RAD52: variants seen among roughly 807,000 people sequenced by gnomAD.
RAD52 encodes the protein RAD52 DNA repair protein, also known as DNA repair protein RAD52 homolog.
In RAD52, 47 loss-of-function variants were observed where a neutral mutation model predicts 55.5. That is an observed-to-expected ratio of 0.85 (90% CI 0.67 to 1.08). RAD52 has a LOEUF of 1.08. RAD52 is among the 50% of genes least tolerant of loss of function. The pLI is 0.00. For missense variants in RAD52, 468 were observed against 522.8 expected, an observed-to-expected ratio of 0.90 and a Z score of 1.02; for synonymous variants, 184 against 198.9, an observed-to-expected ratio of 0.92 and a Z score of 0.63.
intron 1 of RAD52, among the ~76,000 whole-genome samples, chr12:989,232 C>G (rs1217502130): frequency 1.3e-5 from 2 of 152,214 alleles, no homozygotes; most frequent in Non-Finnish European, 2.9e-5. Flanking sequence ...AAATCTCCGT[C>G]TCCCTAAAGC....
intron 7 of RAD52, among the ~76,000 whole-genome samples, chr12:922,202 A>AAC (rs1555170813): frequency 1.4e-5 from 2 of 147,700 alleles, no homozygotes; most frequent in African/African-American, 2.4e-5. Context: ...AAAAAAAAAA[A>AAC]AAAAAAAAAA....
chr12:988,307 T>C (rs1158206143), intron 1 of RAD52, among the ~76,000 whole-genome samples: 16 of 152,236 alleles, frequency 1.1e-4, no homozygotes, highest in Admixed American at 1.0e-3. Context: ...TGTTACTTCA[T>C]CTGAGTATCC....
At chr12:975,795 C>T (rs772576802) in intron 1 of RAD52, 1 of 152,230 alleles carries the variant, frequency 6.6e-6, no homozygotes, top group Non-Finnish European at 1.5e-5. Context: ...CTGCTCTTGT[C>T]AAGGTCCCCA....
chr12:987,638 G>A (rs1438400252), intron 1 of RAD52, among the ~76,000 whole-genome samples: 2 of 150,090 alleles, frequency 1.3e-5, no homozygotes, highest in Admixed American at 6.6e-5. Context: ...TCAGTTCACT[G>A]CAACCTCTGC....
intron 1 of RAD52, among the ~76,000 whole-genome samples, chr12:958,592 T>C (rs4765655): frequency 0.62 from 93,763 of 152,068 alleles, 28,949 homozygotes; most frequent in Middle Eastern, 0.71. Flanking sequence ...GTTGAAGTCA[T>C]GTGAAAGAAG....
At chr12:965,964 A>G (rs4409902) in intron 1 of RAD52, among the ~76,000 whole-genome samples, 123,509 of 151,846 alleles carry the variant, frequency 0.81, 50,675 homozygotes, top group Admixed American at 0.86. Flanking sequence ...GATTACAGGC[A>G]TGAACCACTG....
chr12:950,348 G>A (rs1958493670), upstream of RAD52, among the ~76,000 whole-genome samples: 1 of 151,936 alleles, frequency 6.6e-6, no homozygotes, highest in Admixed American at 6.6e-5. Flanking sequence ...GAGGCGGGCT[G>A]ATCACGAGGT....
intron 7 of RAD52, among the ~76,000 whole-genome samples, chr12:918,590 C>T (rs1956537260): frequency 6.6e-6 from 1 of 151,842 alleles, no homozygotes; most frequent in Non-Finnish European, 1.5e-5. Context: ...ATTTTTATTT[C>T]GTACAGACAG....
Position 914,085 on chromosome 12 carries a change from G to T in RAD52, c.1004C>A (p.Thr335Asn). ...GACCACACCATCCCCTGCATCGGGA[G>T]TCACAGCCCACTTTTCAGAGTTGTC... ...LEDNSEKWAV[T>N]PDAGDGVVKP... is the part of the protein sequence containing the mutation. The change falls in exon 11 of 12, where the codon ACT (threonine) becomes AAT (asparagine). Residue 335 changes from threonine to asparagine, a missense_variant. Physicochemically the swap from Thr to Asn is moderately conservative, Grantham distance 65 (BLOSUM62 0). Transcript: ENST00000358495. The T allele has an allele frequency of 6.2e-7, 1 of 1,614,190 alleles. No homozygotes were observed. Among genetic ancestry groups the T allele is most frequent in the Non-Finnish European group, 8.5e-7 (1 of 1,180,026 alleles).
At chr12:968,371 C>T (rs1473485153) in intron 1 of RAD52, among the ~76,000 whole-genome samples, 1 of 152,032 alleles carries the variant, frequency 6.6e-6, no homozygotes, top group Non-Finnish European at 1.5e-5. Context: ...AGGAACCTGG[C>T]AGCCACTAGA....
intron 1 of RAD52, among the ~76,000 whole-genome samples, chr12:940,778 T>C (rs1273822548): frequency 6.6e-6 from 1 of 151,884 alleles, no homozygotes; most frequent in Non-Finnish European, 1.5e-5. Context: ...TAGAAAAGAA[T>C]AGGAACTACT....
At chr12:924,074 A>T (rs1489679069) in intron 7 of RAD52, among the ~76,000 whole-genome samples, 3 of 149,408 alleles carry the variant, frequency 2.0e-5, no homozygotes, top group African/African-American at 7.4e-5. Flanking sequence ...AAAAAAGAAA[A>T]AGAAAACTTG....
chr12:990,947 G>GT (rs1959179630), upstream of RAD52: 1 of 38,378 alleles, frequency 2.6e-5, no homozygotes, highest in Non-Finnish European at 7.4e-5. Flanking sequence ...GTGTGTGTGT[G>GT]TGTGAGTGTG....
chr12:931,025 A>C (rs967553102), intron 3 of RAD52, among the ~76,000 whole-genome samples, 195 bp downstream of exon 3: 1 of 151,924 alleles, frequency 6.6e-6, no homozygotes, highest in African/African-American at 2.4e-5. Context: ...CGGTTATGCG[A>C]GTGTCAAGAC....
chr12:925,168 T>C (rs1210490238), intron 7 of RAD52, among the ~76,000 whole-genome samples: 1 of 152,112 alleles, frequency 6.6e-6, no homozygotes, highest in Non-Finnish European at 1.5e-5. Context: ...GCCAGGATGG[T>C]CTCGATCTCC....
chr12:974,832 G>T (rs1958915125), intron 1 of RAD52: 1 of 152,098 alleles, frequency 6.6e-6, no homozygotes, highest in Admixed American at 6.6e-5. Flanking sequence ...GAAAAGTGAG[G>T]CATGGAGAGT....
chr12:932,742 C>T (rs1957386549), intron 2 of RAD52, among the ~76,000 whole-genome samples: 1 of 152,188 alleles, frequency 6.6e-6, no homozygotes, highest in African/African-American at 2.4e-5. Context: ...TAACAAATAG[C>T]TCACACATGT....
chr12:930,931 G>T, intron 3 of RAD52, among the ~76,000 whole-genome samples: 1 of 151,580 alleles, frequency 6.6e-6, no homozygotes. Flanking sequence ...GACACCACTG[G>T]TCGGACTCCA....
rs141490164 is a variant in RAD52, at chr12:930,454, C to T, written c.187-310G>A. ...ATCTTCTAGATGGAGCCCGCGAGAACGAATGGTCTGTTGGGAGGAGGAACT... is the reference window on the plus strand; with the variant it reads ...ATCTTCTAGATGGAGCCCGCGAGAATGAATGGTCTGTTGGGAGGAGGAACT... On this transcript the variant is annotated intron_variant, in intron 3 of 11. Transcript: ENST00000358495. 2.0e-3 allele frequency among the ~76,000 whole-genome samples: 310 copies of T among 151,962 alleles called. 2 individuals are homozygous for T. The highest frequency in any genetic ancestry group is 0.01 in the Middle Eastern group (3 of 294).
Sources: gnomAD v4.1 joint callset for allele counts (sites outside exome capture counted in the v4.1 genomes callset) on GRCh38, gnomAD v4.1.1 for gene constraint, MANE v1.5 for transcripts, NCBI Gene and HGNC (gene_info 2026-07-23, HGNC 2026-07-21) for gene names.